MOSPD2: variants seen among roughly 807,000 people sequenced by gnomAD.
MOSPD2 encodes motile sperm domain containing 2.
In MOSPD2, 5 loss-of-function variants were observed where a neutral mutation model predicts 41.7. The ratio of observed to expected loss-of-function variants is 0.12; its 90% CI spans 0.06 to 0.25. The LOEUF (loss-of-function observed/expected upper bound fraction) is 0.25. Among genes scored for constraint, MOSPD2 ranks in the 10% least tolerant of loss-of-function variants. MOSPD2 has a pLI of 1.00. For synonymous variants in MOSPD2, 115 were observed against 126.9 expected (o/e 0.91, Z 0.63); for missense variants, 282 against 375.2 (o/e 0.75, Z 2.05).
chrX:14,877,584 G>C (rs746805829), intron 2 of MOSPD2, among the ~76,000 whole-genome samples: 1 of 109,295 alleles, frequency 9.1e-6, no homozygotes, highest in East Asian at 2.9e-4. Flanking sequence ...TCAGGTGATC[G>C]CCTGCCTCGG....
chrX:14,873,992 G>A, intron 2 of MOSPD2: 1 of 408,235 alleles, frequency 2.4e-6, no homozygotes, highest in East Asian at 4.0e-5. Flanking sequence ...GTTGGAAATC[G>A]GTTAAGTTTT....
At chrX:14,895,848 A>G (rs16979699) in intron 4 of MOSPD2, among the ~76,000 whole-genome samples, 6,038 of 110,194 alleles carry the variant, frequency 0.055, 351 homozygotes, top group African/African-American at 0.18. Context: ...TTTTGTTCCA[A>G]TGACTCCCCT....
At position 14,906,113 on chromosome X, in the gene MOSPD2, A is replaced by G. The variant is rs190395893; in HGVS notation, c.578-2747A>G. On this transcript the variant is annotated intron_variant, in intron 7 of 14. Coordinates refer to ENST00000380492, the MANE Select transcript of MOSPD2 (RefSeq NM_152581.4). The stretch of plus-strand genomic sequence containing the variant: ...CCCAAAATTCATATGAAAATGCAAG[A>G]AACCAAGAGTAGTCAAATCTTGAAA... 1.8e-3 allele frequency among the ~76,000 whole-genome samples: 200 copies of G among 111,836 alleles called. 1 individual carries two copies. Among genetic ancestry groups the G allele is most frequent in the Non-Finnish European group, 3.3e-3 (173 of 53,187 alleles).
At chrX:14,902,323 T>G (rs1458109801) in intron 6 of MOSPD2, among the ~76,000 whole-genome samples, 1 of 111,935 alleles carries the variant, frequency 8.9e-6, no homozygotes, top group Non-Finnish European at 1.9e-5. Context: ...CTTTGCAGTT[T>G]CTGGTTCTTT....
intron 7 of MOSPD2, 37 bp downstream of exon 7, chrX:14,903,041 A>G: frequency 1.1e-6 from 1 of 933,248 alleles, no homozygotes; most frequent in Non-Finnish European, 1.5e-6. Context: ...CAAAATGTCT[A>G]ATTTCCTTTA....
chrX:14,918,772 T>C lies in MOSPD2; in HGVS notation c.1409T>C (p.Ile470Thr), dbSNP rs765430843. ...ATGTCAGATAAAACCAGTGAAGATA[T>C]ATGTCTACAAGTAAGTATACTTTCT... Reference protein sequence around the residue: ...FNMSDKTSEDICLQLSRLLES... With the variant: ...FNMSDKTSEDTCLQLSRLLES... The change falls in exon 14 of 15, where the codon ATA becomes ACA. Residue 470 changes from isoleucine (I) to threonine (T), a missense_variant. By Grantham distance (89) the Ile-to-Thr change is moderately conservative (BLOSUM62 -1). This residue lies in a region of MOSPD2 where 94 missense variants were observed against 102.1 expected (regional missense o/e 0.92). Coordinates refer to ENST00000380492, the MANE Select transcript of MOSPD2 (RefSeq NM_152581.4). 104 of 1,142,942 alleles carry C rather than the reference T, an allele frequency of 9.1e-5. No homozygotes were observed. Among genetic ancestry groups the C allele is most frequent in the Non-Finnish European group, 1.1e-4 (93 of 835,991 alleles). The allele number at this position is 1,142,942 out of a possible 1,213,427, so 94.2% of individuals were successfully genotyped here. A position where few individuals can be genotyped will look rare whatever the true frequency, so the allele number is the denominator to read the frequency against.
At chrX:14,884,309 G>GA (rs1452431445) in intron 2 of MOSPD2, among the ~76,000 whole-genome samples, 1 of 111,567 alleles carries the variant, frequency 9.0e-6, no homozygotes, top group Admixed American at 9.5e-5. Flanking sequence ...TGGATAGTAA[G>GA]AAAAAACAAA....
chrX:14,905,518 G>T (rs1464330144), intron 7 of MOSPD2, among the ~76,000 whole-genome samples: 1 of 109,579 alleles, frequency 9.1e-6, no homozygotes, highest in African/African-American at 3.3e-5. Context: ...TTTTTGAGAT[G>T]AGTCTCATTC....
intron 13 of MOSPD2, among the ~76,000 whole-genome samples, 157 bp downstream of exon 13, chrX:14,916,483 A>G (rs753420688): frequency 1.8e-5 from 2 of 112,127 alleles, no homozygotes; most frequent in Non-Finnish European, 3.8e-5. Flanking sequence ...GGTGTTGCTC[A>G]AGGAGGTCAC....
intron 2 of MOSPD2, among the ~76,000 whole-genome samples, chrX:14,884,342 G>T (rs1411615377): frequency 3.6e-5 from 4 of 111,694 alleles, no homozygotes; most frequent in Non-Finnish European, 7.5e-5. Context: ...TAGAAGAAAT[G>T]GAGGTAAAGT....
In MOSPD2 at chrX:14,921,246, A is replaced by G. The variant is rs2092609159; in HGVS notation, c.*1437A>G. On this transcript the variant is annotated 3_prime_UTR_variant, in exon 15 of 15. Coordinates refer to ENST00000380492, the MANE Select transcript of MOSPD2 (RefSeq NM_152581.4). Reference sequence around the variant, plus strand: ...CTGAAGGGTAGTGTTGTTGGTTTTCATCTTCAAGAAGTTGATTCCAAAACT... The same window carrying G: ...CTGAAGGGTAGTGTTGTTGGTTTTCGTCTTCAAGAAGTTGATTCCAAAACT... The G allele has an allele frequency of 2.3e-5, 21 of 924,621 alleles. No individual in the cohort carries two copies. The highest frequency in any genetic ancestry group is 2.7e-5 in the Non-Finnish European group (20 of 747,410). The allele number at this position is 924,621 out of a possible 1,213,427, so 76.2% of individuals were successfully genotyped here.
chrX:14,912,394 T>G, intron 10 of MOSPD2, 33 bp downstream of exon 10: 1 of 941,854 alleles, frequency 1.1e-6, no homozygotes, highest in South Asian at 2.9e-5. Context: ...GCTATAATTT[T>G]ATAACATATC....
chrX:14,903,126 G>C, intron 7 of MOSPD2, 122 bp downstream of exon 7: 2 of 483,556 alleles, frequency 4.1e-6, no homozygotes, highest in Non-Finnish European at 7.0e-6. Flanking sequence ...TCTCTTAAGA[G>C]ACTGGAGCTA....
chrX:14,874,045 G>A (rs1445220282), intron 2 of MOSPD2: 1 of 358,035 alleles, frequency 2.8e-6, no homozygotes, highest in Non-Finnish European at 4.9e-6. Context: ...ATACTTGTTA[G>A]GCCCACAACA....
intron 2 of MOSPD2, among the ~76,000 whole-genome samples, chrX:14,888,581 T>A (rs2092547346): frequency 9.0e-6 from 1 of 111,407 alleles, no homozygotes; most frequent in Non-Finnish European, 1.9e-5. Context: ...AACCTCTTTT[T>A]CTTTCCAGTC....
chrX:14,908,815 C>A, intron 7 of MOSPD2, 45 bp from the exon 8 acceptor site: 1 of 1,135,149 alleles, frequency 8.8e-7, no homozygotes, highest in Non-Finnish European at 1.2e-6. Context: ...TTAATTGAGA[C>A]TAGGAATGAT....
chrX:14,883,627 A>G (rs1265105186), intron 2 of MOSPD2, among the ~76,000 whole-genome samples: 1 of 112,201 alleles, frequency 8.9e-6, no homozygotes, highest in Non-Finnish European at 1.9e-5. Flanking sequence ...TTCTTTACCC[A>G]TTATACTGCT....
At chrX:14,885,493 G>T (rs1426059226) in intron 2 of MOSPD2, 2 of 112,054 alleles carry the variant, frequency 1.8e-5, no homozygotes, top group Non-Finnish European at 3.8e-5. Flanking sequence ...CAGCAAATGT[G>T]ATGTTTAATT....
chrX:14,883,678 A>G (rs1254418344), intron 2 of MOSPD2, among the ~76,000 whole-genome samples: 6 of 112,177 alleles, frequency 5.3e-5, no homozygotes, highest in Admixed American at 4.7e-4. Context: ...AGACTATTTT[A>G]AAGTTTTTCT....
Sources: gnomAD v4.1 joint callset for allele counts (sites outside exome capture counted in the v4.1 genomes callset) on GRCh38, gnomAD v4.1.1 for gene constraint, gnomAD v4.1.1 regional missense constraint, MANE v1.5 for transcripts, NCBI Gene and HGNC (gene_info 2026-07-23, HGNC 2026-07-21) for gene names.